Variants in CREB5 observed in about 807,000 individuals in gnomAD.
The protein encoded by CREB5 is cAMP responsive element binding protein 5.
A neutral mutation model predicts 57.1 loss-of-function variants in CREB5; 19 were observed. The observed-to-expected ratio is 0.33, with a 90% CI of 0.23 to 0.49. The LOEUF (loss-of-function observed/expected upper bound fraction) is 0.49, where lower values mean the gene tolerates loss of function less well. Among genes scored for constraint, CREB5 ranks in the 20% least tolerant of loss-of-function variants. CREB5 has a pLI of 0.99. For missense variants in CREB5, 579 were observed against 671.6 expected, an observed-to-expected ratio of 0.86 and a Z score of 1.52; for synonymous variants, 238 against 238.3, an observed-to-expected ratio of 1.00 and a Z score of 0.01.
chr7:28,740,784 G>T (rs542045114), intron 7 of CREB5, among the ~76,000 whole-genome samples: 1 of 151,984 alleles, frequency 6.6e-6, no homozygotes, highest in Admixed American at 6.5e-5. Context: ...AAATAAAAAG[G>T]TGATTAGAAA....
At chr7:28,330,227 G>A in intron 1 of CREB5, among the ~76,000 whole-genome samples, 1 of 152,106 alleles carries the variant, frequency 6.6e-6, no homozygotes, top group East Asian at 1.9e-4. Flanking sequence ...TCGTACATTG[G>A]CTGTGAAACG....
intron 7 of CREB5, among the ~76,000 whole-genome samples, chr7:28,787,685 G>A (rs543257641): frequency 6.6e-6 from 1 of 152,332 alleles, no homozygotes; most frequent in Admixed American, 6.5e-5. Context: ...TTCCTGAGTA[G>A]CTTGGACTAC....
intron 1 of CREB5, among the ~76,000 whole-genome samples, chr7:28,422,152 T>A (rs1371005264): frequency 6.6e-6 from 1 of 152,108 alleles, no homozygotes; most frequent in Non-Finnish European, 1.5e-5. Context: ...CCCAGGCTTG[T>A]GCATAATATC....
intron 7 of CREB5, among the ~76,000 whole-genome samples, chr7:28,796,511 G>T (rs545170013): frequency 4.6e-5 from 7 of 152,110 alleles, no homozygotes; most frequent in African/African-American, 1.7e-4. Context: ...TATCTTTATG[G>T]TTTACACAGA....
At chr7:28,813,307 G>A (rs1227293970) in intron 9 of CREB5, among the ~76,000 whole-genome samples, 1 of 152,122 alleles carries the variant, frequency 6.6e-6, no homozygotes, top group Non-Finnish European at 1.5e-5. Flanking sequence ...TAAATTCATC[G>A]ACTGCTGATG....
intron 7 of CREB5, among the ~76,000 whole-genome samples, chr7:28,761,724 A>ATGTG (rs3831526): frequency 0.018 from 2,607 of 146,128 alleles, 65 homozygotes; most frequent in Admixed American, 0.071. Context: ...GATGTGAGGG[A>ATGTG]TGTGTGTGTG....
intron 4 of CREB5, among the ~76,000 whole-genome samples, chr7:28,533,714 C>A (rs922942655): frequency 1.2e-4 from 18 of 152,176 alleles, no homozygotes; most frequent in Admixed American, 8.5e-4. Context: ...GCTGCCTCCT[C>A]TTCTGTTTTA....
At chr7:28,765,279 A>C (rs1366423390) in intron 7 of CREB5, among the ~76,000 whole-genome samples, 1 of 152,216 alleles carries the variant, frequency 6.6e-6, no homozygotes, top group Non-Finnish European at 1.5e-5. Flanking sequence ...CTTGAACACA[A>C]TCTAGACCTT....
chr7:28,577,846 G>A (rs1795961433), intron 5 of CREB5, among the ~76,000 whole-genome samples: 2 of 152,198 alleles, frequency 1.3e-5, no homozygotes, highest in Admixed American at 6.5e-5. Context: ...ACTCAGTGCT[G>A]CGTGTGTGAC....
intron 1 of CREB5, among the ~76,000 whole-genome samples, chr7:28,388,016 C>T (rs548817653): frequency 1.2e-4 from 18 of 152,218 alleles, no homozygotes; most frequent in Middle Eastern, 3.4e-3. Context: ...GAGCCTATTT[C>T]CTCATGTACT....
At chr7:28,591,632 CAG>C (rs1262291227) in intron 5 of CREB5, among the ~76,000 whole-genome samples, 2 of 152,036 alleles carry the variant, frequency 1.3e-5, no homozygotes, top group African/African-American at 4.8e-5. Context: ...AGAAGGTGGA[CAG>C]GGGCTAAGGG....
intron 4 of CREB5, among the ~76,000 whole-genome samples, chr7:28,551,949 T>C (rs1277302052): frequency 7.0e-6 from 1 of 141,902 alleles, no homozygotes; most frequent in Non-Finnish European, 1.5e-5. Flanking sequence ...CTCTCTTTTT[T>C]ATTCTTTCTC....
chr7:28,466,971 C>T (rs1790605040), intron 1 of CREB5, among the ~76,000 whole-genome samples: 1 of 152,258 alleles, frequency 6.6e-6, no homozygotes, highest in African/African-American at 2.4e-5. Flanking sequence ...GGACTAGCCA[C>T]AGCCACAGCA....
intron 1 of CREB5, among the ~76,000 whole-genome samples, chr7:28,375,824 G>A (rs1321487183): frequency 6.6e-6 from 1 of 151,890 alleles, no homozygotes; most frequent in East Asian, 1.9e-4. Flanking sequence ...AAGAGACAAT[G>A]TTTAATCTGT....
chr7:28,341,087 A>T (rs969600632), intron 1 of CREB5, among the ~76,000 whole-genome samples: 6 of 152,092 alleles, frequency 3.9e-5, no homozygotes, highest in Non-Finnish European at 7.4e-5. Flanking sequence ...AAAACTAGGT[A>T]CTGTGACCGC....
intron 4 of CREB5, among the ~76,000 whole-genome samples, chr7:28,536,287 T>A (rs1793964173): frequency 6.6e-6 from 1 of 152,190 alleles, no homozygotes. Context: ...CGCAGAGCCG[T>A]CTAACATTGC....
At chr7:28,613,077 G>T (rs765822477) in intron 5 of CREB5, among the ~76,000 whole-genome samples, 1 of 152,148 alleles carries the variant, frequency 6.6e-6, no homozygotes, top group South Asian at 2.1e-4. Context: ...ATCGATAAAC[G>T]TGTGTGTGCC....
chr7:28,723,592 A>G (rs946405830), intron 6 of CREB5, among the ~76,000 whole-genome samples: 5 of 152,216 alleles, frequency 3.3e-5, no homozygotes, highest in Admixed American at 1.3e-4. Context: ...GAAGAGATGC[A>G]CTGGGCAGCA....
At chr7:28,616,378 C>T (rs537951981) in intron 5 of CREB5, among the ~76,000 whole-genome samples, 6 of 152,286 alleles carry the variant, frequency 3.9e-5, no homozygotes, top group Admixed American at 1.3e-4. Context: ...AGAGAACCTT[C>T]TCCTCATCAA....
Sources: gnomAD v4.1 joint callset for allele counts (sites outside exome capture counted in the v4.1 genomes callset) on GRCh38, gnomAD v4.1.1 for gene constraint, MANE v1.5 for transcripts, NCBI Gene and HGNC (gene_info 2026-07-23, HGNC 2026-07-21) for gene names.